The following WDR1 variants were observed in gnomAD, a reference collection of about 807,000 sequenced individuals.
WDR1 encodes WD repeat-containing protein 1.
WDR1 carries 21 observed loss-of-function variants against 71.9 expected under a neutral mutation model. The observed-to-expected ratio is 0.29, with a 90% CI of 0.21 to 0.42. The LOEUF (loss-of-function observed/expected upper bound fraction) is 0.42, where lower values mean the gene tolerates loss of function less well. WDR1 is among the 10% of genes least tolerant of loss of function. The pLI, the probability that WDR1 is intolerant of heterozygous loss-of-function variation, is 1.00. For missense variants in WDR1, 696 were observed against 824.5 expected (o/e 0.84, Z 1.91); for synonymous variants, 424 against 347.4 (o/e 1.22, Z -2.45).
intron 12 of WDR1, 188 bp downstream of exon 12, chr4:10,078,703 C>T (rs1428034236): frequency 7.3e-6 from 4 of 549,058 alleles, no homozygotes; most frequent in Non-Finnish European, 1.3e-5. Context: ...GAGGGGAAGG[C>T]TCCAGCCCTG....
chr4:10,075,399 C>T lies in WDR1; in HGVS notation c.1800G>A (p.Lys600=), dbSNP rs762963717. 6.8e-6 allele frequency: 11 copies of T among 1,613,960 alleles called. No individual in the cohort carries two copies. The East Asian group carries it at 1.8e-4, about 26-fold the overall frequency. The change falls in exon 15 of 15, where the codon AAG becomes AAA. Residue 600 remains lysine (K), a synonymous_variant. Transcript: ENST00000499869. ...CTCCTCAGTAGGTGATTGTCCACTC[C>T]TTGACAGAGGCATCATGGGAGGTCG... ...LVTTSHDASV[K]EWTITY
intron 8 of WDR1, among the ~76,000 whole-genome samples, chr4:10,085,422 C>T (rs59661609): frequency 0.021 from 3,134 of 152,296 alleles, 54 homozygotes; most frequent in East Asian, 0.079. Context: ...TCCACAGAGA[C>T]GTGGGGAAAA....
intron 5 of WDR1, 99 bp downstream of exon 5, chr4:10,097,612 C>T (rs1712422046): frequency 2.2e-6 from 3 of 1,376,076 alleles, no homozygotes; most frequent in Non-Finnish European, 3.0e-6. Context: ...GCATACGTGG[C>T]ATGTGCTGTG....
intron 11 of WDR1, 22 bp downstream of exon 11, chr4:10,081,335 A>G (rs1410154320): frequency 1.9e-6 from 3 of 1,611,696 alleles, no homozygotes; most frequent in Non-Finnish European, 2.5e-6. Context: ...GCTCCCACCC[A>G]AACACTAAGC....
chr4:10,099,161 GGAGGGGGGGAGGCGGT>G, intron 3 of WDR1, 22 bp from the exon 4 acceptor site: 1 of 1,431,228 alleles, frequency 7.0e-7, no homozygotes, highest in Non-Finnish European at 9.7e-7. Flanking sequence ...AGCGGGCGGG[GGAGGGGGGGAGGCGGT>G]GGTGGGGTAA....
intron 9 of WDR1, among the ~76,000 whole-genome samples, chr4:10,083,970 A>G (rs1020221840): frequency 1.8e-4 from 28 of 152,254 alleles, no homozygotes; most frequent in Admixed American, 1.3e-4. Flanking sequence ...AGGCTGCATG[A>G]CTCTGGGGCG....
intron 1 of WDR1, 23 bp from the exon 2 acceptor site, chr4:10,116,257 G>C: frequency 6.2e-7 from 1 of 1,612,812 alleles, no homozygotes; most frequent in Non-Finnish European, 8.5e-7. Flanking sequence ...AAATGCGGCG[G>C]GGCATGTCAG....
At chr4:10,112,612 G>A (rs954279998) in intron 2 of WDR1, among the ~76,000 whole-genome samples, 6 of 152,194 alleles carry the variant, frequency 3.9e-5, no homozygotes, top group Admixed American at 1.3e-4. Context: ...TGACAGAGGG[G>A]GCTCCAAGTG....
At chr4:10,115,475 G>A (rs1032395601) in intron 2 of WDR1, among the ~76,000 whole-genome samples, 16 of 152,204 alleles carry the variant, frequency 1.1e-4, no homozygotes, top group Non-Finnish European at 2.1e-4. Flanking sequence ...CCAGAGGCCC[G>A]GGTGTTTTTC....
chr4:10,111,735 C>T (rs980634612), intron 2 of WDR1, among the ~76,000 whole-genome samples: 1 of 152,112 alleles, frequency 6.6e-6, no homozygotes, highest in African/African-American at 2.4e-5. Flanking sequence ...CAGGTGAGTC[C>T]TCTGCATGTG....
At chr4:10,097,916 G>GAT in intron 4 of WDR1, 25 bp from the exon 5 acceptor site, 1 of 904,150 alleles carries the variant, frequency 1.1e-6, no homozygotes, top group Non-Finnish European at 1.4e-6. Context: ...ACAGGTGGAA[G>GAT]ACAAAAAAAA....
At chr4:10,089,293 G>C (rs548312307) in intron 5 of WDR1, among the ~76,000 whole-genome samples, 20 of 152,344 alleles carry the variant, frequency 1.3e-4, no homozygotes, top group African/African-American at 4.3e-4. Flanking sequence ...ATTTTTAGTA[G>C]AGATGGGGTT....
At position 10,077,449 on chromosome 4, in the gene WDR1, C is replaced by CT. The variant is rs755758773; in HGVS notation, c.1570-2dup. The CT allele has an allele frequency of 1.2e-6, 2 of 1,613,968 alleles. No homozygotes were observed. Among genetic ancestry groups the CT allele is most frequent in the Non-Finnish European group, 1.7e-6 (2 of 1,179,854 alleles). ...GGTGTCCATAAAAAACATTGTTCTC[C>CT]TAGTTGCAGGTTGAAAACAAGAGAG... is the stretch of plus-strand genomic sequence containing the variant. On this transcript the variant is annotated splice_acceptor_variant, in intron 13 of 14. Transcript: ENST00000499869. LOFTEE classifies it high-confidence loss of function.
intron 1 of WDR1, 73 bp downstream of exon 1, chr4:10,116,578 G>A: frequency 9.1e-7 from 1 of 1,103,778 alleles, no homozygotes; most frequent in Non-Finnish European, 1.1e-6. Context: ...CCACCCGCAC[G>A]GCGCCTAGGG....
chr4:10,106,931 C>T (rs187990370), intron 2 of WDR1, among the ~76,000 whole-genome samples: 10 of 152,222 alleles, frequency 6.6e-5, no homozygotes, highest in Non-Finnish European at 1.0e-4. Flanking sequence ...TCAGCTGGGT[C>T]GAGATGGCAC....
intron 2 of WDR1, among the ~76,000 whole-genome samples, chr4:10,109,716 C>T (rs977943722): frequency 3.3e-5 from 5 of 152,236 alleles, no homozygotes; most frequent in Non-Finnish European, 5.9e-5. Context: ...CTCTCCTACT[C>T]CCCACCCAGG....
In WDR1 at chr4:10,093,215, C is replaced by T. The variant is rs889917169; in HGVS notation, c.559-4474G>A. 1.2e-5 allele frequency: 14 copies of T among 1,191,278 alleles called. No individual in the cohort carries two copies. The African/African-American group carries it at 2.2e-4, about 19-fold the overall frequency. 73.8% of individuals were successfully genotyped at this position (1,191,278 alleles called of 1,614,324 possible). On this transcript the variant is annotated intron_variant, in intron 5 of 14. Transcript: ENST00000499869. ...CCTCTGGGAGCCCACCCCATTCCCC[C>T]CAGCCTCAGCTGACCCTGTACACAA...
At chr4:10,091,674 ATC>A (rs1711996784) in intron 5 of WDR1, 1 of 152,118 alleles carries the variant, frequency 6.6e-6, no homozygotes, top group Non-Finnish European at 1.5e-5. Context: ...GCCCATTTGC[ATC>A]CCCCCTTCTG....
intron 14 of WDR1, chr4:10,076,152 C>G (rs1764792257): frequency 6.5e-6 from 1 of 152,728 alleles, no homozygotes; most frequent in African/African-American, 2.4e-5. Flanking sequence ...CCCCCAGCCT[C>G]TAGATCTGCA....
Sources: allele counts gnomAD v4.1 joint callset (sites outside exome capture counted in the v4.1 genomes callset), GRCh38; gene constraint gnomAD v4.1.1; transcripts MANE v1.5; gene names NCBI Gene and HGNC (gene_info 2026-07-23, HGNC 2026-07-21).